The following SETD1A variants were observed in gnomAD, a reference collection of about 807,000 sequenced individuals.
The protein encoded by SETD1A is SET domain containing 1A, histone lysine methyltransferase.
Under a neutral mutation model 149.9 loss-of-function variants are expected in SETD1A, and 29 were observed. That is an observed-to-expected ratio of 0.19 (90% confidence interval 0.14 to 0.26). The LOEUF (loss-of-function observed/expected upper bound fraction) is 0.26, where lower values mean the gene tolerates loss of function less well. SETD1A is among the 10% of genes least tolerant of loss of function. The pLI is 1.00. For missense variants in SETD1A, 2,109 were observed against 2,353.1 expected (o/e 0.90, Z 2.15); for synonymous variants, 1,141 against 968.5 (o/e 1.18, Z -3.31).
rs781694714 is a variant in SETD1A, at chr16:30,966,251, C to T, written c.2370C>T (p.Thr790=). 5 of 1,613,658 alleles carry T rather than the reference C, an allele frequency of 3.1e-6. No homozygotes were observed. Among genetic ancestry groups the T allele is most frequent in the African/African-American group, 2.7e-5 (2 of 74,928 alleles). Residue 790 remains threonine, a synonymous_variant, in exon 8 of 19, where the codon ACC becomes ACT. Transcript: ENST00000262519. ...GCAAGACCCTCCCGACAGCAGGCAC[C>T]GTGGGCCGTGTGCTCGCCATGCTGG... is the stretch of plus-strand genomic sequence containing the variant. The part of the protein sequence containing the change: ...AEGKTLPTAG[T]VGRVLAMLVQ...
chr16:30,979,988 G>A lies in SETD1A; in HGVS notation c.4202G>A (p.Arg1401His), dbSNP rs1188416004. The A allele has an allele frequency of 3.1e-5, 47 of 1,494,206 alleles. No homozygotes were observed. The highest frequency in any genetic ancestry group is 8.9e-5 in the South Asian group (7 of 78,396). The allele number at this position is 1,494,206 out of a possible 1,614,324, so 92.6% of individuals were successfully genotyped here. A position where few individuals can be genotyped will look rare whatever the true frequency, so the allele number is the denominator to read the frequency against. ...AGCCTCCGCTCCCACGCCCGGCGCC[G>A]CCGCCCTCCGCCCCCACCCCCGCCG... ...RRSLRSHARR[R>H]RPPPPPPPPP... Residue 1401 changes from arginine (R) to histidine (H), a missense_variant, in exon 14 of 19, where the codon CGC (arginine) becomes CAC (histidine). Arg to His is a conservative substitution (Grantham distance 29). Coordinates refer to ENST00000262519, the MANE Select transcript of SETD1A (RefSeq NM_014712.3).
chr16:30,980,284 C>T lies in SETD1A; in HGVS notation c.4408+90C>T, dbSNP rs1166444663. ...ATCTGTGCCCCACTCTGTCTGCCTC[C>T]CCTCTGGCTCCAAGCCATCTTTTCT... On this transcript the variant is annotated intron_variant, in intron 14 of 18. Transcript: ENST00000262519. The surrounding 1 kb of genome is among the most constrained non-coding windows in gnomAD (Gnocchi z 7.7). 7 of 1,467,540 alleles carry T rather than the reference C, an allele frequency of 4.8e-6. No individual in the cohort carries two copies. The East Asian group carries it at 7.2e-5, about 15-fold the overall frequency. 90.9% of individuals were successfully genotyped at this position (1,467,540 alleles called of 1,614,324 possible).
At chr16:30,959,994 G>A (rs533035611) in intron 3 of SETD1A, among the ~76,000 whole-genome samples, 1 of 152,142 alleles carries the variant, frequency 6.6e-6, no homozygotes, top group East Asian at 1.9e-4. Context: ...CTCATATGTG[G>A]CAGTACCATC....
intron 7 of SETD1A, 23 bp from the exon 8 acceptor site, chr16:30,965,578 G>A: frequency 1.2e-6 from 2 of 1,608,542 alleles, no homozygotes; most frequent in East Asian, 2.2e-5. Context: ...GAAGCCTTCT[G>A]TGACCCTCTT....
Position 30,979,255 on chromosome 16 carries a change from C to T in SETD1A, c.3469C>T (p.Leu1157Phe). Residue 1157 changes from leucine to phenylalanine, a missense_variant, in exon 14 of 19, where the codon CTC becomes TTC. By Grantham distance (22) the Leu-to-Phe change is conservative. This residue lies in a region of SETD1A where 832 missense variants were observed against 815.6 expected (regional missense o/e 1.02). Coordinates refer to ENST00000262519, the MANE Select transcript of SETD1A (RefSeq NM_014712.3). Reference protein sequence around the residue: ...PDERPSSPIPLLPPPKKRRKT... With the variant: ...PDERPSSPIPFLPPPKKRRKT... ...TGAGCGTCCCTCTTCTCCCATCCCCCTCCTGCCCCCACCCAAGAAACGCCG... is the reference window on the plus strand; with the variant it reads ...TGAGCGTCCCTCTTCTCCCATCCCCTTCCTGCCCCCACCCAAGAAACGCCG... The T allele has an allele frequency of 3.1e-6, 5 of 1,611,432 alleles. No individual in the cohort carries two copies. The highest frequency in any genetic ancestry group is 4.2e-6 in the Non-Finnish European group (5 of 1,178,438).
chr16:30,965,400 C>A lies in SETD1A; in HGVS notation c.1658C>A (p.Pro553His). Residue 553 changes from proline to histidine, a missense_variant, in exon 7 of 19, where the codon CCT becomes CAT. Transcript: ENST00000262519. ...CCAGCTAATTTTGAGGATGTGGCAC[C>A]TACAGGGAGCGGGGAGCCAGGGGCT... ...PAPANFEDVA[P>H]TGSGEPGATR... The A allele has an allele frequency of 6.2e-7, 1 of 1,607,854 alleles. No homozygotes were observed.
rs1204057176 is a variant in SETD1A, at chr16:30,983,134, G to A, written c.4813-501G>A. ...GGAGGGCGTGCAGAGGCTCCTCACT[G>A]TCTTCTGGGAAGTAAGGGTTGCTCC... On this transcript the variant is annotated intron_variant, in intron 17 of 18. Coordinates refer to ENST00000262519, the MANE Select transcript of SETD1A (RefSeq NM_014712.3). This position sits in a 1 kb window ranked among gnomAD's most constrained non-coding sequence, Gnocchi z 6.8. 1.3e-5 allele frequency among the ~76,000 whole-genome samples: 2 copies of A among 152,200 alleles called. No individual in the cohort carries two copies. The highest frequency in any genetic ancestry group is 2.9e-5 in the Non-Finnish European group (2 of 68,036).
intron 12 of SETD1A, among the ~76,000 whole-genome samples, chr16:30,969,947 TTTTTG>T (rs1356601556): frequency 1.3e-5 from 2 of 152,148 alleles, no homozygotes; most frequent in Non-Finnish European, 2.9e-5. Flanking sequence ...CAGAACGCTT[TTTTTG>T]TTTTGTTTTT....
At chr16:30,968,070 C>T (rs919207756) in intron 10 of SETD1A, among the ~76,000 whole-genome samples, 10 of 152,080 alleles carry the variant, frequency 6.6e-5, no homozygotes, top group Non-Finnish European at 8.8e-5. Flanking sequence ...CTCTTCCACC[C>T]GACCAGAAAA....
rs1383171452 is a variant in SETD1A, at chr16:30,965,370, C to T, written c.1628C>T (p.Pro543Leu). The change falls in exon 7 of 19, where the codon CCG becomes CTG. Residue 543 changes from proline to leucine, a missense_variant. Physicochemically the swap from Pro to Leu is moderately conservative, Grantham distance 98. Around this residue, in one of 8 missense-constraint regions of SETD1A, gnomAD observed 431 missense variants for 388.6 expected, o/e 1.11. Coordinates refer to ENST00000262519, the MANE Select transcript of SETD1A (RefSeq NM_014712.3). ...GGGCATGGGCCCTGCACACCCCCTC[C>T]GGCCCCAGCTAATTTTGAGGATGTG... ...GSGHGPCTPP[P>L]APANFEDVAP... is the part of the protein sequence containing the mutation. The T allele has an allele frequency of 4.3e-6, 7 of 1,611,334 alleles. No individual in the cohort carries two copies. The East Asian group carries it at 6.7e-5, about 15-fold the overall frequency.
At chr16:30,969,738 G>A in intron 12 of SETD1A, 49 bp downstream of exon 12, 1 of 1,468,848 alleles carries the variant, frequency 6.8e-7, no homozygotes, top group Non-Finnish European at 9.5e-7. Context: ...GAGGGGTTCG[G>A]CTGCCTGGCT....
Position 30,965,598 on chromosome 16 carries a change from C to A in SETD1A, c.1720-3C>A. On this transcript the variant is annotated splice_region_variant and splice_polypyrimidine_tract_variant and intron_variant, in intron 7 of 18. Coordinates refer to ENST00000262519, the MANE Select transcript of SETD1A (RefSeq NM_014712.3). ...CTTCTGTGACCCTCTTCTGCCCCCG[C>A]AGGCTTCTCCATGCTCTTCTGGAGA... 6.2e-7 allele frequency: 1 copy of A among 1,612,506 alleles called. No individual in the cohort carries two copies. The highest frequency in any genetic ancestry group is 1.1e-5 in the South Asian group (1 of 90,950).
In SETD1A at chr16:30,984,131, T is replaced by C; in HGVS notation, c.*108T>C. On this transcript the variant is annotated 3_prime_UTR_variant, in exon 19 of 19. Coordinates refer to ENST00000262519, the MANE Select transcript of SETD1A (RefSeq NM_014712.3). Reference sequence around the variant, plus strand: ...TCAGCAGGGCCCACATGCCCCCATCTCCAAGCGTGGGGTTGGGGGCCCCAA... The same window carrying C: ...TCAGCAGGGCCCACATGCCCCCATCCCCAAGCGTGGGGTTGGGGGCCCCAA... 3 of 1,091,806 alleles carry C rather than the reference T, an allele frequency of 2.7e-6. No homozygotes were observed. The highest frequency in any genetic ancestry group is 3.8e-6 in the Non-Finnish European group (3 of 785,570). The allele number at this position is 1,091,806 out of a possible 1,614,324, so 67.6% of individuals were successfully genotyped here.
At chr16:30,976,290 C>T (rs182783910) in intron 13 of SETD1A, among the ~76,000 whole-genome samples, 9 of 152,054 alleles carry the variant, frequency 5.9e-5, no homozygotes, top group Admixed American at 1.3e-4. Context: ...GAGGCTGAGT[C>T]GGGAGGATTG....
chr16:30,960,669 C>T (rs2056038987), intron 3 of SETD1A, among the ~76,000 whole-genome samples: 1 of 151,880 alleles, frequency 6.6e-6, no homozygotes, highest in South Asian at 2.1e-4. Flanking sequence ...AAATCATCGC[C>T]CTGTAGCTCG....
In SETD1A at chr16:30,980,974, C is replaced by T; in HGVS notation, c.4693-87C>T. 1 of 1,586,094 alleles carries T rather than the reference C, an allele frequency of 6.3e-7. No individual in the cohort carries two copies. Among genetic ancestry groups the T allele is most frequent in the Non-Finnish European group, 8.6e-7 (1 of 1,161,704 alleles). The stretch of plus-strand genomic sequence containing the variant: ...GGAGTTGGGGGGTAAGCAGCCAGAA[C>T]ACCCTCTGCCCAGGAAGTCTGTGGG... On this transcript the variant is annotated intron_variant, in intron 16 of 18. Coordinates refer to ENST00000262519, the MANE Select transcript of SETD1A (RefSeq NM_014712.3). The surrounding 1 kb of genome is among the most constrained non-coding windows in gnomAD (Gnocchi z 7.7).
At position 30,969,347 on chromosome 16, in the gene SETD1A, G is replaced by A. The variant is rs774613722; in HGVS notation, c.2813G>A (p.Gly938Glu). 2.5e-6 allele frequency: 4 copies of A among 1,614,168 alleles called. No homozygotes were observed. In the Admixed American group the frequency reaches 6.7e-5, roughly 27 times the overall value. ...GAGGCTGGAGAGCCAGGACGTCCGG[G>A]GACCAAGCCCCCGAAGCGGGACGAA... ...EKEAGEPGRPGTKPPKRDEER... is the reference protein window; with the variant it reads ...EKEAGEPGRPETKPPKRDEER... The change falls in exon 11 of 19, where the codon GGG (glycine) becomes GAG (glutamate). Residue 938 changes from glycine to glutamate, a missense_variant. Coordinates refer to ENST00000262519, the MANE Select transcript of SETD1A (RefSeq NM_014712.3).
Position 30,979,964 on chromosome 16 carries a change from G to A in SETD1A, c.4178G>A (p.Ser1393Asn). The A allele has an allele frequency of 2.6e-6, 4 of 1,525,152 alleles. No homozygotes were observed. The highest frequency in any genetic ancestry group is 2.6e-6 in the Non-Finnish European group (3 of 1,140,062). The allele number at this position is 1,525,152 out of a possible 1,614,324, so 94.5% of individuals were successfully genotyped here. A position where few individuals can be genotyped will look rare whatever the true frequency, so the allele number is the denominator to read the frequency against. The change falls in exon 14 of 19, where the codon AGC becomes AAC. Residue 1393 changes from serine to asparagine, a missense_variant. By Grantham distance (46) the Ser-to-Asn change is conservative. Around this residue, in one of 8 missense-constraint regions of SETD1A, gnomAD observed 832 missense variants for 815.6 expected, o/e 1.02. Coordinates refer to ENST00000262519, the MANE Select transcript of SETD1A (RefSeq NM_014712.3). ...GGGGAGGGCGCCCTCCGGAGGCGCAGCCTCCGCTCCCACGCCCGGCGCCGC... is the reference window on the plus strand; with the variant it reads ...GGGGAGGGCGCCCTCCGGAGGCGCAACCTCCGCTCCCACGCCCGGCGCCGC... ...SDGEGALRRR[S>N]LRSHARRRRP...
At chr16:30,977,758 G>A (rs556288367) in intron 13 of SETD1A, among the ~76,000 whole-genome samples, 32 of 152,350 alleles carry the variant, frequency 2.1e-4, no homozygotes, top group Non-Finnish European at 3.1e-4. Context: ...GGCTCAGGGC[G>A]CCAGGGTTGG....
Sources: allele counts gnomAD v4.1 joint callset (sites outside exome capture counted in the v4.1 genomes callset), GRCh38; gene constraint gnomAD v4.1.1; regional missense constraint gnomAD v4.1.1; non-coding constraint Gnocchi (gnomAD v3.1); transcripts MANE v1.5; gene names NCBI Gene and HGNC (gene_info 2026-07-23, HGNC 2026-07-21).